Variants in THAP10 observed in about 807,000 individuals in gnomAD.
The protein encoded by THAP10 is THAP domain-containing protein 10.
THAP10 carries 10 observed loss-of-function variants against 15.7 expected under a neutral mutation model. The ratio of observed to expected loss-of-function variants is 0.64; its 90% confidence interval spans 0.39 to 1.08. The LOEUF (loss-of-function observed/expected upper bound fraction) is 1.08. THAP10 is among the 50% of genes least tolerant of loss of function. The pLI, the probability that THAP10 is intolerant of heterozygous loss-of-function variation, is 0.01. For synonymous variants in THAP10, 127 were observed against 129.1 expected (o/e 0.98, Z 0.11); for missense variants, 310 against 330.9 (o/e 0.94, Z 0.49).
In THAP10 at chr15:70,887,785, C is replaced by T. The variant is rs540017559; in HGVS notation, c.429+4059G>A. On this transcript the variant is annotated intron_variant, in intron 1 of 2. Coordinates refer to ENST00000249861, the MANE Select transcript of THAP10 (RefSeq NM_020147.4). ...ACGAAATAAAAACACGAATATCAAA[C>T]GCTTTTCTCAGATGATATTTTTGTA... Among the ~76,000 whole-genome samples, 16 of 152,162 alleles carry T rather than the reference C, an allele frequency of 1.1e-4. No individual in the cohort carries two copies. The South Asian group carries it at 2.7e-3, about 26-fold the overall frequency.
intron 2 of THAP10, 47 bp downstream of exon 2, chr15:70,882,714 C>A (rs774668883): frequency 3.7e-6 from 6 of 1,609,948 alleles, no homozygotes; most frequent in Admixed American, 1.7e-5. Flanking sequence ...CTTTAATATA[C>A]GAAAGATCAA....
At chr15:70,889,801 A>T (rs1384900937) in intron 1 of THAP10, among the ~76,000 whole-genome samples, 1 of 152,158 alleles carries the variant, frequency 6.6e-6, no homozygotes, top group Non-Finnish European at 1.5e-5. Flanking sequence ...TCTGATTTTT[A>T]GACAGTTAGT....
chr15:70,891,777 A>T, intron 1 of THAP10, 67 bp downstream of exon 1: 9 of 1,382,504 alleles, frequency 6.5e-6, no homozygotes, highest in Non-Finnish European at 8.6e-6. Flanking sequence ...TCCCAAGGTG[A>T]CACTAAGTGG....
At position 70,882,766 on chromosome 15, in the gene THAP10, C is replaced by T. The variant is rs2141084590; in HGVS notation, c.572G>A (p.Ser191Asn). 6.2e-7 allele frequency: 1 copy of T among 1,614,144 alleles called. No homozygotes were observed. The highest frequency in any genetic ancestry group is 2.2e-5 in the East Asian group (1 of 44,872). Reference protein sequence around the residue: ...QISLKRPRHRSVGIQAKVKAF... With the variant: ...QISLKRPRHRNVGIQAKVKAF... ...ATTGAAGAGTCAAAACATACCCACA[C>T]TACGGTGACGGGGCCTTTTCAAAGA... Residue 191 changes from serine to asparagine, a missense_variant, in exon 2 of 3, where the codon AGT becomes AAT. Coordinates refer to ENST00000249861, the MANE Select transcript of THAP10 (RefSeq NM_020147.4).
chr15:70,885,468 C>A (rs940408441), intron 1 of THAP10, among the ~76,000 whole-genome samples: 2 of 152,042 alleles, frequency 1.3e-5, no homozygotes, highest in African/African-American at 4.8e-5. Context: ...AAGAGAAAAA[C>A]TTAATAGCAG....
chr15:70,887,161 C>A (rs1241716538), intron 1 of THAP10, among the ~76,000 whole-genome samples: 1 of 152,070 alleles, frequency 6.6e-6, no homozygotes, highest in Non-Finnish European at 1.5e-5. Flanking sequence ...AAACTCCTGT[C>A]TTATCAATGA....
At chr15:70,884,094 G>C (rs1376265615) in intron 1 of THAP10, among the ~76,000 whole-genome samples, 1 of 152,174 alleles carries the variant, frequency 6.6e-6, no homozygotes, top group Non-Finnish European at 1.5e-5. Flanking sequence ...GAAAAGTTAA[G>C]AGAGCCTGGG....
intron 1 of THAP10, among the ~76,000 whole-genome samples, chr15:70,890,798 G>C (rs757319616): frequency 9.9e-5 from 15 of 152,206 alleles, no homozygotes; most frequent in Non-Finnish European, 1.8e-4. Flanking sequence ...TTGTTGGTAG[G>C]AAGTAATATA....
intron 1 of THAP10, among the ~76,000 whole-genome samples, chr15:70,884,444 C>T (rs560555998): frequency 5.3e-5 from 8 of 151,842 alleles, no homozygotes; most frequent in Admixed American, 2.0e-4. Context: ...TGCTTGAAGC[C>T]GGGAGGCAGA....
chr15:70,891,493 C>T (rs1176528916), intron 1 of THAP10, among the ~76,000 whole-genome samples: 2 of 151,874 alleles, frequency 1.3e-5, no homozygotes, highest in African/African-American at 2.4e-5. Flanking sequence ...GAGATTTGCT[C>T]AAATTAAACC....
At position 70,884,170 on chromosome 15, in the gene THAP10, C is replaced by T. The variant is rs576738986; in HGVS notation, c.430-1262G>A. Reference sequence around the variant, plus strand: ...AAGTGTTTAGCAGTAGTGGCAGCTGCCTTCAAACCACTGAAAAAATATTTT... The same window carrying T: ...AAGTGTTTAGCAGTAGTGGCAGCTGTCTTCAAACCACTGAAAAAATATTTT... On this transcript the variant is annotated intron_variant, in intron 1 of 2. Transcript: ENST00000249861. 2.5e-3 allele frequency among the ~76,000 whole-genome samples: 379 copies of T among 152,114 alleles called. 3 individuals carry two copies. Among genetic ancestry groups the T allele is most frequent in the African/African-American group, 9.1e-3 (376 of 41,492 alleles).
chr15:70,885,842 A>G (rs1221343149), intron 1 of THAP10, among the ~76,000 whole-genome samples: 2 of 152,226 alleles, frequency 1.3e-5, no homozygotes, highest in African/African-American at 2.4e-5. Flanking sequence ...TTTAAACATG[A>G]TTAATAGACA....
rs2033596036 is a variant in THAP10, at chr15:70,891,992, G to A, written c.281C>T (p.Ala94Val). 1 of 1,613,152 alleles carries A rather than the reference G, an allele frequency of 6.2e-7. No individual in the cohort carries two copies. The highest frequency in any genetic ancestry group is 2.2e-5 in the East Asian group (1 of 44,852). ...CTCCTCTCCCCTCTTAGGTGCCGGG[G>A]CGGGCACCCGGTGCAGGGTGGGCAC... ...GAVPTLHRVP[A>V]PAPKRGEEGD... The change falls in exon 1 of 3, where the codon GCC becomes GTC. Residue 94 changes from alanine to valine, a missense_variant. By Grantham distance (64) the Ala-to-Val change is moderately conservative (BLOSUM62 0). Transcript: ENST00000249861.
chr15:70,887,699 C>A (rs1379905005), intron 1 of THAP10, among the ~76,000 whole-genome samples: 1 of 152,092 alleles, frequency 6.6e-6, no homozygotes, highest in African/African-American at 2.4e-5. Context: ...GAAAAGGATT[C>A]CCCTCACCTC....
chr15:70,883,806 C>T (rs1046360530), intron 1 of THAP10, among the ~76,000 whole-genome samples: 1 of 151,842 alleles, frequency 6.6e-6, no homozygotes, highest in Non-Finnish European at 1.5e-5. Context: ...AGGTGCCTGC[C>T]ACCATGCCTG....
At chr15:70,883,021 G>C (rs2033306273) in intron 1 of THAP10, 113 bp from the exon 2 acceptor site, 1 of 1,011,690 alleles carries the variant, frequency 9.9e-7, no homozygotes, top group Non-Finnish European at 1.4e-6. Flanking sequence ...TCACATATTA[G>C]TAAGGCTGAT....
At position 70,882,400 on chromosome 15, in the gene THAP10, T is replaced by C; in HGVS notation, c.*54A>G. ...ATTTACAATAGCAAAGAGATAATTA[T>C]GTGAGTAAAGATTTGAAAATCTATA... is the stretch of plus-strand genomic sequence containing the variant. On this transcript the variant is annotated 3_prime_UTR_variant, in exon 3 of 3. Coordinates refer to ENST00000249861, the MANE Select transcript of THAP10 (RefSeq NM_020147.4). 7.5e-7 allele frequency: 1 copy of C among 1,336,718 alleles called. No homozygotes were observed. The highest frequency in any genetic ancestry group is 1.0e-6 in the Non-Finnish European group (1 of 956,422). The allele number at this position is 1,336,718 out of a possible 1,614,324, so 82.8% of individuals were successfully genotyped here. A position where few individuals can be genotyped will look rare whatever the true frequency, so the allele number is the denominator to read the frequency against.
At chr15:70,887,626 T>C (rs1289187904) in intron 1 of THAP10, among the ~76,000 whole-genome samples, 1 of 152,142 alleles carries the variant, frequency 6.6e-6, no homozygotes, top group Non-Finnish European at 1.5e-5. Flanking sequence ...TATAAAAAAC[T>C]ATAGTAAAAA....
intron 1 of THAP10, among the ~76,000 whole-genome samples, chr15:70,891,626 G>C (rs1478535046): frequency 7.4e-6 from 1 of 134,276 alleles, no homozygotes; most frequent in African/African-American, 2.6e-5. Context: ...TGTGAGTTTT[G>C]GGGGAGGAGC....
Sources: allele counts gnomAD v4.1 joint callset (sites outside exome capture counted in the v4.1 genomes callset), GRCh38; gene constraint gnomAD v4.1.1; transcripts MANE v1.5; gene names NCBI Gene and HGNC (gene_info 2026-07-23, HGNC 2026-07-21).